Variants in PTPRD observed in about 807,000 individuals in gnomAD.
The protein encoded by PTPRD is protein tyrosine phosphatase receptor type D.
Under a neutral mutation model 214.5 loss-of-function variants are expected in PTPRD, and 34 were observed. That is an observed-to-expected ratio of 0.16 (90% CI 0.12 to 0.21). PTPRD has a LOEUF of 0.21. Ranked by LOEUF, PTPRD falls within the 10% of genes least tolerant of loss-of-function variation. The pLI, the probability that PTPRD is intolerant of heterozygous loss-of-function variation, is 1.00. For missense variants in PTPRD, 2,545 were observed against 2,398.7 expected, an observed-to-expected ratio of 1.06 and a Z score of -1.27; for synonymous variants, 1,128 against 845.7, an observed-to-expected ratio of 1.33 and a Z score of -5.79.
At chr9:9,835,820 G>A (rs1599209055) in intron 5 of PTPRD, among the ~76,000 whole-genome samples, 1 of 152,050 alleles carries the variant, frequency 6.6e-6, no homozygotes, top group Admixed American at 6.6e-5. Flanking sequence ...CAATCTTAGT[G>A]CCACCCTCCT....
chr9:9,875,190 G>T (rs997328181), intron 5 of PTPRD, among the ~76,000 whole-genome samples: 1 of 151,886 alleles, frequency 6.6e-6, no homozygotes, highest in Non-Finnish European at 1.5e-5. Flanking sequence ...GTATCAACTT[G>T]GGGCCCTAGA....
At chr9:9,152,881 G>T (rs1244308373) in intron 10 of PTPRD, among the ~76,000 whole-genome samples, 1 of 152,114 alleles carries the variant, frequency 6.6e-6, no homozygotes, top group Non-Finnish European at 1.5e-5. Context: ...CCGATGAGAG[G>T]GGCACACATT....
At position 8,595,172 on chromosome 9, in the gene PTPRD, GTT is replaced by G. The variant is rs60646648; in HGVS notation, c.352+38143_352+38144del. On this transcript the variant is annotated intron_variant, in intron 14 of 45. Coordinates refer to ENST00000381196, the MANE Select transcript of PTPRD (RefSeq NM_002839.4). Reference sequence around the variant, plus strand: ...GCCACCACACCCAGCCCCTAAACCTGTTTTTTTTTTTTTTTTATGGCAAATTA... The same window carrying G: ...GCCACCACACCCAGCCCCTAAACCTGTTTTTTTTTTTTTTATGGCAAATTA... Among the ~76,000 whole-genome samples the G allele has an allele frequency of 3.0e-3, 399 of 131,560 alleles. 2 individuals are homozygous for G. Among genetic ancestry groups the G allele is most frequent in the East Asian group, 0.014 (63 of 4,502 alleles). 86.3% of individuals were successfully genotyped at this position (131,560 alleles called of 152,430 possible).
intron 8 of PTPRD, among the ~76,000 whole-genome samples, chr9:9,413,730 T>C (rs1424211363): frequency 6.6e-6 from 1 of 152,196 alleles, no homozygotes; most frequent in Admixed American, 6.5e-5. Flanking sequence ...AAGCTCTGAT[T>C]TCCTTACTTG....
At chr9:8,916,950 G>A (rs923457573) in intron 11 of PTPRD, among the ~76,000 whole-genome samples, 1 of 151,994 alleles carries the variant, frequency 6.6e-6, no homozygotes, top group Non-Finnish European at 1.5e-5. Flanking sequence ...AAACCACAGG[G>A]TTCAAGCAAA....
chr9:9,279,015 T>C (rs1295191607), intron 9 of PTPRD, among the ~76,000 whole-genome samples: 1 of 151,194 alleles, frequency 6.6e-6, no homozygotes, highest in African/African-American at 2.4e-5. Flanking sequence ...TCCGGAAAAC[T>C]ATATATTAAT....
chr9:9,617,479 A>G (rs1240644069), intron 7 of PTPRD, among the ~76,000 whole-genome samples: 1 of 152,204 alleles, frequency 6.6e-6, no homozygotes, highest in Non-Finnish European at 1.5e-5. Context: ...AATCCTGGAC[A>G]CAGATTGAAT....
At chr9:10,581,023 G>A (rs1237982395) in intron 2 of PTPRD, among the ~76,000 whole-genome samples, 2 of 152,180 alleles carry the variant, frequency 1.3e-5, no homozygotes, top group African/African-American at 2.4e-5. Flanking sequence ...GATCCTGGCT[G>A]CATGTGTTCC....
At chr9:9,956,742 A>G (rs2093960577) in intron 4 of PTPRD, among the ~76,000 whole-genome samples, 1 of 152,204 alleles carries the variant, frequency 6.6e-6, no homozygotes, top group Admixed American at 6.5e-5. Flanking sequence ...ATAGAGACAG[A>G]TCAATGTATT....
intron 11 of PTPRD, among the ~76,000 whole-genome samples, chr9:8,740,144 A>T (rs7046939): frequency 0.073 from 11,151 of 152,226 alleles, 1,095 homozygotes; most frequent in African/African-American, 0.23. Context: ...TCTATGACCA[A>T]ACTACCCTGA....
chr9:9,070,382 A>G (rs1342406669), intron 10 of PTPRD, among the ~76,000 whole-genome samples: 1 of 152,202 alleles, frequency 6.6e-6, no homozygotes, highest in African/African-American at 2.4e-5. Context: ...AAATTAATAT[A>G]TGTTCCCATT....
At chr9:10,180,080 C>T (rs1343191603) in intron 3 of PTPRD, among the ~76,000 whole-genome samples, 1 of 152,002 alleles carries the variant, frequency 6.6e-6, no homozygotes, top group African/African-American at 2.4e-5. Context: ...AAAACAGAAT[C>T]ACAGGTTAAC....
At chr9:9,680,220 A>AGCGGCCGGGCGCGGTGGCTCAC (rs2097036652) in intron 7 of PTPRD, among the ~76,000 whole-genome samples, 1 of 151,900 alleles carries the variant, frequency 6.6e-6, no homozygotes, top group African/African-American at 2.4e-5. Flanking sequence ...ATGATAAAAA[A>AGCGGCCGGGCGCGGTGGCTCAC]GCCTTTATCT....
At chr9:10,275,008 G>A (rs2094601078) in intron 3 of PTPRD, among the ~76,000 whole-genome samples, 1 of 152,062 alleles carries the variant, frequency 6.6e-6, no homozygotes, top group South Asian at 2.1e-4. Flanking sequence ...ACATATTTCT[G>A]AGTTTATGGT....
rs1250486840 is a variant in PTPRD, at chr9:8,413,918, A to C, written c.4087-9258T>G. ...CTTCTAAGTTAAATATTAGAAAAAAAATCAGTACATTGATGATCTTATGTA... is the reference window on the plus strand; with the variant it reads ...CTTCTAAGTTAAATATTAGAAAAAACATCAGTACATTGATGATCTTATGTA... On this transcript the variant is annotated intron_variant, in intron 35 of 45. Coordinates refer to ENST00000381196, the MANE Select transcript of PTPRD (RefSeq NM_002839.4). Among the ~76,000 whole-genome samples, 6 of 152,272 alleles carry C rather than the reference A, an allele frequency of 3.9e-5. No homozygotes were observed. The East Asian group carries it at 1.2e-3, about 29-fold the overall frequency.
At chr9:10,384,388 T>C (rs867146647) in intron 2 of PTPRD, among the ~76,000 whole-genome samples, 3 of 151,736 alleles carry the variant, frequency 2.0e-5, no homozygotes, top group African/African-American at 7.2e-5. Flanking sequence ...ACTGGGTGAT[T>C]TCCTGGGATT....
At chr9:10,301,890 G>A (rs1351770744) in intron 3 of PTPRD, among the ~76,000 whole-genome samples, 1 of 152,108 alleles carries the variant, frequency 6.6e-6, no homozygotes, top group African/African-American at 2.4e-5. Flanking sequence ...AGCAAGACAG[G>A]CCAACATTCA....
At chr9:9,106,209 A>G (rs1036596874) in intron 10 of PTPRD, among the ~76,000 whole-genome samples, 2 of 152,162 alleles carry the variant, frequency 1.3e-5, no homozygotes, top group East Asian at 1.9e-4. Flanking sequence ...GTTGAATCCT[A>G]TGAAACAGCC....
At chr9:8,633,274 T>A (rs1257854874) in intron 14 of PTPRD, 43 bp downstream of exon 14, 1 of 1,595,134 alleles carries the variant, frequency 6.3e-7, no homozygotes, top group South Asian at 1.1e-5. Flanking sequence ...AGATACAGAA[T>A]TGTAACAATG....
Sources: allele counts gnomAD v4.1 joint callset (sites outside exome capture counted in the v4.1 genomes callset), GRCh38; gene constraint gnomAD v4.1.1; transcripts MANE v1.5; gene names NCBI Gene and HGNC (gene_info 2026-07-23, HGNC 2026-07-21).